SYNE1: variants seen among roughly 807,000 people sequenced by gnomAD.
SYNE1 encodes the protein spectrin repeat containing nuclear envelope protein 1, also known as nesprin-1.
SYNE1 carries 616 observed loss-of-function variants against 1,111.0 expected under a neutral mutation model. That is an observed-to-expected ratio of 0.55 (90% CI 0.52 to 0.59). SYNE1 has a LOEUF of 0.59. Among genes scored for constraint, SYNE1 ranks in the 20% least tolerant of loss-of-function variants. The probability of loss-of-function intolerance (pLI) is 0.00; values close to 1 mark genes in which losing one functional copy is unlikely to be tolerated. For synonymous variants in SYNE1, 3,855 were observed against 3,825.8 expected (o/e 1.01, Z -0.28); for missense variants, 10,006 against 10,417.0 (o/e 0.96, Z 1.72).
At chr6:152,499,600 C>T (rs2099017929) in intron 10 of SYNE1, among the ~76,000 whole-genome samples, 2 of 152,050 alleles carry the variant, frequency 1.3e-5, no homozygotes, top group African/African-American at 2.4e-5. Context: ...AACTAATACG[C>T]ATAGTTTACA....
At chr6:152,429,590 G>C (rs36070254) in intron 36 of SYNE1, among the ~76,000 whole-genome samples, 1 of 152,124 alleles carries the variant, frequency 6.6e-6, no homozygotes, top group African/African-American at 2.4e-5. Context: ...ATGTACGGTA[G>C]TATTTCTTTG....
At chr6:152,353,537 T>C in intron 68 of SYNE1, 52 bp downstream of exon 68, 1 of 1,613,974 alleles carries the variant, frequency 6.2e-7, no homozygotes, top group Non-Finnish European at 8.5e-7. Context: ...GGAAGGCTAT[T>C]TTGGCTGGCG....
intron 36 of SYNE1, among the ~76,000 whole-genome samples, chr6:152,429,026 C>T (rs183676797): frequency 4.6e-5 from 7 of 151,230 alleles, no homozygotes; most frequent in Non-Finnish European, 7.4e-5. Context: ...ATGCTATAAT[C>T]ACTCCAAAAA....
chr6:152,369,005 A>G lies in SYNE1; in HGVS notation c.9774T>C (p.Ser3258=). 6.2e-7 allele frequency: 1 copy of G among 1,614,222 alleles called. No individual in the cohort carries two copies. Among genetic ancestry groups the G allele is most frequent in the South Asian group, 1.1e-5 (1 of 91,090 alleles). ...KSFRHRVSQL[S]SQYLALSNLT... is the part of the protein sequence containing the mutation. ...AATTGCTTAGCGCTAGATACTGAGAAGACAGCTGCGACACTCTGTGCCTAA... is the reference window on the plus strand; with the variant it reads ...AATTGCTTAGCGCTAGATACTGAGAGGACAGCTGCGACACTCTGTGCCTAA... The change falls in exon 61 of 146, where the codon TCT becomes TCC. Residue 3258 remains serine, a synonymous_variant. Transcript: ENST00000367255.
intron 127 of SYNE1, among the ~76,000 whole-genome samples, chr6:152,201,589 A>C (rs1184699949): frequency 6.6e-6 from 1 of 151,544 alleles, no homozygotes; most frequent in Non-Finnish European, 1.5e-5. Flanking sequence ...AATATCTTTT[A>C]ATGTGTTTTA....
intron 129 of SYNE1, among the ~76,000 whole-genome samples, 164 bp downstream of exon 129, chr6:152,179,972 T>C (rs1045589945): frequency 8.5e-5 from 13 of 152,114 alleles, no homozygotes; most frequent in Non-Finnish European, 1.5e-4. Context: ...CGTGAGCCAC[T>C]GCGCCCAGCT....
intron 24 of SYNE1, 142 bp from the exon 25 acceptor site, chr6:152,453,862 T>C (rs1224773996): frequency 4.5e-5 from 43 of 965,866 alleles, no homozygotes; most frequent in Non-Finnish European, 6.2e-5. Flanking sequence ...CTATTGTTTT[T>C]TAAGGATGAA....
intron 27 of SYNE1, among the ~76,000 whole-genome samples, chr6:152,449,888 G>A (rs891981101): frequency 2.0e-5 from 3 of 152,192 alleles, no homozygotes; most frequent in African/African-American, 7.2e-5. Flanking sequence ...ATGTGTTCTA[G>A]GGAATGAGCA....
At chr6:152,469,351 T>G (rs1204104696) in intron 16 of SYNE1, among the ~76,000 whole-genome samples, 1 of 152,044 alleles carries the variant, frequency 6.6e-6, no homozygotes, top group African/African-American at 2.4e-5. Context: ...TTATCATTAT[T>G]AAACACTGGG....
At chr6:152,359,957 C>T (rs572710565) in intron 64 of SYNE1, among the ~76,000 whole-genome samples, 6 of 152,210 alleles carry the variant, frequency 3.9e-5, no homozygotes, top group East Asian at 1.9e-4. Context: ...TATTATACTG[C>T]GACATCTGTC....
rs540823186 is a variant in SYNE1, at chr6:152,276,981, T to C, written c.18573+1108A>G. Among the ~76,000 whole-genome samples, 8 of 150,216 alleles carry C rather than the reference T, an allele frequency of 5.3e-5. No homozygotes were observed. The South Asian group carries it at 1.7e-3, about 32-fold the overall frequency. ...CTCACTGTAACCTCTGCTTCCCAGG[T>C]TCAGGTTCAGGAGATTCTCCTGCCT... On this transcript the variant is annotated intron_variant, in intron 98 of 145. Transcript: ENST00000367255.
chr6:152,326,229 T>C (rs2096064342), intron 79 of SYNE1, 67 bp downstream of exon 79: 2 of 1,611,968 alleles, frequency 1.2e-6, no homozygotes, highest in Admixed American at 1.7e-5. Context: ...ATATCATTCG[T>C]GTATTACTAC....
intron 3 of SYNE1, among the ~76,000 whole-genome samples, chr6:152,572,360 A>G (rs1036502402): frequency 6.6e-6 from 1 of 152,198 alleles, no homozygotes; most frequent in Non-Finnish European, 1.5e-5. Flanking sequence ...AATGCACAAC[A>G]ATCTAATTAG....
At chr6:152,622,349 T>C (rs1744377) in intron 3 of SYNE1, among the ~76,000 whole-genome samples, 116,344 of 152,004 alleles carry the variant, frequency 0.77, 44,952 homozygotes, top group African/African-American at 0.88. Flanking sequence ...GCTTGTTGTA[T>C]GGATTATTTC....
rs369225530 is a variant in SYNE1, at chr6:152,279,586, C to G, written c.18382-1306G>C. Among the ~76,000 whole-genome samples the G allele has an allele frequency of 1.3e-4, 20 of 151,966 alleles. No homozygotes were observed. The South Asian group carries it at 3.1e-3, about 24-fold the overall frequency. ...CAAAAAAATAAGCCAGGCGTGGTGG[C>G]ACGTGCCTGTACTCCCCGCACTTGC... On this transcript the variant is annotated intron_variant, in intron 97 of 145. Coordinates refer to ENST00000367255, the MANE Select transcript of SYNE1 (RefSeq NM_182961.4).
intron 29 of SYNE1, among the ~76,000 whole-genome samples, chr6:152,445,715 A>G (rs1028746343): frequency 6.6e-6 from 1 of 151,068 alleles, no homozygotes; most frequent in Non-Finnish European, 1.5e-5. Flanking sequence ...ATCCACCCAC[A>G]GTCTTTTTTT....
intron 4 of SYNE1, among the ~76,000 whole-genome samples, chr6:152,529,715 CTCCCT>C (rs1320055712): frequency 6.6e-6 from 1 of 152,202 alleles, no homozygotes; most frequent in African/African-American, 2.4e-5. Flanking sequence ...TGAATGACCT[CTCCCT>C]TCCCAGTGGA....
At position 152,350,922 on chromosome 6, in the gene SYNE1, G is replaced by A. The variant is rs2154032536; in HGVS notation, c.11581-152C>T. The A allele has an allele frequency of 5.5e-6, 5 of 913,920 alleles. No homozygotes were observed. The South Asian group carries it at 7.7e-5, about 14-fold the overall frequency. The allele number at this position is 913,920 out of a possible 1,614,324, so 56.6% of individuals were successfully genotyped here. Reference sequence around the variant, plus strand: ...AGGTGCAAGACATTAAAGAGAGAGTGATTTATTAAGACGAATACAGTTTCT... The same window carrying A: ...AGGTGCAAGACATTAAAGAGAGAGTAATTTATTAAGACGAATACAGTTTCT... On this transcript the variant is annotated intron_variant, in intron 70 of 145. Transcript: ENST00000367255.
At chr6:152,365,144 C>T (rs565622750) in intron 62 of SYNE1, 125 bp from the exon 63 acceptor site, 30 of 1,225,882 alleles carry the variant, frequency 2.4e-5, no homozygotes, top group South Asian at 1.6e-4. Context: ...AGCTCCCAGT[C>T]GGCTGAGACA....
Sources: gnomAD v4.1 joint callset for allele counts (sites outside exome capture counted in the v4.1 genomes callset) on GRCh38, gnomAD v4.1.1 for gene constraint, MANE v1.5 for transcripts, NCBI Gene and HGNC (gene_info 2026-07-23, HGNC 2026-07-21) for gene names.